SUMF1: variants seen among roughly 807,000 people sequenced by gnomAD.
SUMF1 encodes the protein formylglycine-generating enzyme.
In SUMF1, 48 loss-of-function variants were observed where a neutral mutation model predicts 47.6. That is an observed-to-expected ratio of 1.01 (90% CI 0.80 to 1.28). The LOEUF (loss-of-function observed/expected upper bound fraction) is 1.28. SUMF1 is among the 50% of genes most tolerant of loss of function. The probability of loss-of-function intolerance (pLI) is 0.00; values close to 1 mark genes in which losing one functional copy is unlikely to be tolerated. For missense variants in SUMF1, 571 were observed against 485.4 expected (o/e 1.18, Z -1.66); for synonymous variants, 230 against 192.1 (o/e 1.20, Z -1.63).
chr3:4,286,598 TTAAAGC>T (rs1697637707), intron 8 of SUMF1, among the ~76,000 whole-genome samples: 1 of 152,114 alleles, frequency 6.6e-6, no homozygotes. Flanking sequence ...TCATGTTCTG[TTAAAGC>T]CCATGATTCC....
chr3:4,128,781 G>T (rs1026747472), intron 8 of SUMF1, among the ~76,000 whole-genome samples: 1 of 152,138 alleles, frequency 6.6e-6, no homozygotes, highest in Non-Finnish European at 1.5e-5. Flanking sequence ...GATAGTAAGG[G>T]TGTGGGATAA....
intron 7 of SUMF1, among the ~76,000 whole-genome samples, chr3:4,384,859 C>T (rs540971634): frequency 4.0e-5 from 6 of 151,700 alleles, no homozygotes; most frequent in East Asian, 3.9e-4. Context: ...ATATAGTGGT[C>T]GAATGTTTAC....
intron 7 of SUMF1, among the ~76,000 whole-genome samples, chr3:4,384,866 T>C (rs1700621359): frequency 6.6e-6 from 1 of 151,508 alleles, no homozygotes; most frequent in African/African-American, 2.4e-5. Flanking sequence ...GGTCGAATGT[T>C]TACTTCATTT....
chr3:4,376,186 A>G (rs1365387717), intron 8 of SUMF1, 144 bp downstream of exon 8: 1 of 1,005,858 alleles, frequency 9.9e-7, no homozygotes, highest in Non-Finnish European at 1.6e-6. Flanking sequence ...ATTTGAGATG[A>G]CTGTCCTCCT....
chr3:4,253,925 C>A (rs1321367834), intron 8 of SUMF1, among the ~76,000 whole-genome samples: 2 of 150,352 alleles, frequency 1.3e-5, no homozygotes, highest in Non-Finnish European at 3.0e-5. Context: ...TGAGAACTGG[C>A]AGACTGCCTC....
chr3:4,184,724 C>T (rs972302181), intron 8 of SUMF1, among the ~76,000 whole-genome samples: 1 of 148,786 alleles, frequency 6.7e-6, no homozygotes, highest in Non-Finnish European at 1.5e-5. Context: ...TCTCGGCTCA[C>T]TGCAACCTCC....
chr3:4,211,085 T>C (rs1695770592), intron 8 of SUMF1, among the ~76,000 whole-genome samples: 1 of 119,840 alleles, frequency 8.3e-6, no homozygotes, highest in Non-Finnish European at 1.8e-5. Flanking sequence ...TGTGAGTTAA[T>C]ACTCCTTAAT....
intron 3 of SUMF1, among the ~76,000 whole-genome samples, chr3:4,435,205 G>A (rs1702358357): frequency 6.6e-6 from 1 of 152,154 alleles, no homozygotes; most frequent in Admixed American, 6.5e-5. Flanking sequence ...GGGACTACAG[G>A]CTTGAGCCAC....
At chr3:4,315,388 T>G (rs182684025) in intron 8 of SUMF1, among the ~76,000 whole-genome samples, 178 of 152,292 alleles carry the variant, frequency 1.2e-3, no homozygotes, top group South Asian at 2.3e-3. Flanking sequence ...CCTTTCTATA[T>G]TGAACAGCAG....
At chr3:4,286,444 G>A (rs948192851) in intron 8 of SUMF1, among the ~76,000 whole-genome samples, 3 of 151,992 alleles carry the variant, frequency 2.0e-5, no homozygotes, top group African/African-American at 4.8e-5. Flanking sequence ...AACAATCAGC[G>A]CACAGTAAAA....
chr3:4,399,547 T>C (rs940437673), intron 7 of SUMF1, among the ~76,000 whole-genome samples: 2 of 152,156 alleles, frequency 1.3e-5, no homozygotes, highest in Non-Finnish European at 1.5e-5. Flanking sequence ...CAGAGCCCTA[T>C]CTGAAAATAT....
intron 6 of SUMF1, chr3:4,414,832 T>C (rs926258951): frequency 6.6e-6 from 1 of 152,214 alleles, no homozygotes; most frequent in African/African-American, 2.4e-5. Flanking sequence ...TGTAATTAAA[T>C]AGAAAAGAAA....
intron 8 of SUMF1, among the ~76,000 whole-genome samples, chr3:4,071,290 G>A (rs908859057): frequency 7.2e-5 from 11 of 152,114 alleles, no homozygotes; most frequent in African/African-American, 2.7e-4. Context: ...ATCTCATTGA[G>A]ACTGGATGGA....
At chr3:4,460,065 A>G (rs1051816121) in intron 1 of SUMF1, among the ~76,000 whole-genome samples, 4 of 152,206 alleles carry the variant, frequency 2.6e-5, no homozygotes, top group African/African-American at 9.7e-5. Context: ...TGCTTTTGAT[A>G]TATTGATATG....
At chr3:4,255,775 T>G (rs1292696716) in intron 8 of SUMF1, among the ~76,000 whole-genome samples, 1 of 115,492 alleles carries the variant, frequency 8.7e-6, no homozygotes, top group Non-Finnish European at 1.8e-5. Flanking sequence ...CTAATAGACA[T>G]CTACAGAACT....
At chr3:4,143,976 T>G (rs924515529) in intron 8 of SUMF1, among the ~76,000 whole-genome samples, 1 of 143,670 alleles carries the variant, frequency 7.0e-6, no homozygotes. Context: ...AAGTGACCAC[T>G]GTCTTCTCTC....
intron 9 of SUMF1, among the ~76,000 whole-genome samples, chr3:4,046,986 C>T (rs1695019253): frequency 6.6e-6 from 1 of 152,110 alleles, no homozygotes; most frequent in Non-Finnish European, 1.5e-5. Flanking sequence ...TCGCTTACCA[C>T]TAACACCCTA....
At chr3:4,239,594 T>A (rs1279420214) in intron 8 of SUMF1, among the ~76,000 whole-genome samples, 1 of 152,184 alleles carries the variant, frequency 6.6e-6, no homozygotes, top group Non-Finnish European at 1.5e-5. Context: ...TGTATAGGAA[T>A]GCTTGTGATT....
At chr3:4,052,211 G>A (rs983555926) in intron 9 of SUMF1, among the ~76,000 whole-genome samples, 6 of 152,062 alleles carry the variant, frequency 3.9e-5, no homozygotes, top group East Asian at 3.9e-4. Context: ...CATGATGGAC[G>A]GGGCAAGGCA....
Sources: gnomAD v4.1 joint callset for allele counts (sites outside exome capture counted in the v4.1 genomes callset) on GRCh38, gnomAD v4.1.1 for gene constraint, MANE v1.5 for transcripts, NCBI Gene and HGNC (gene_info 2026-07-23, HGNC 2026-07-21) for gene names.